MGAT4C: variants seen among roughly 807,000 people sequenced by gnomAD.
MGAT4C encodes the protein MGAT4 family member C, also known as alpha-1,3-mannosyl-glycoprotein 4-beta-N-acetylglucosaminyltransferase C.
In MGAT4C, 19 loss-of-function variants were observed where a neutral mutation model predicts 40.1. The observed-to-expected ratio is 0.47, with a 90% CI of 0.33 to 0.70. MGAT4C has a LOEUF of 0.70. Ranked by LOEUF, MGAT4C falls within the 30% of genes least tolerant of loss-of-function variation. The pLI is 0.02. For synonymous variants in MGAT4C, 181 were observed against 187.1 expected, an observed-to-expected ratio of 0.97 and a Z score of 0.27; for missense variants, 491 against 563.2, an observed-to-expected ratio of 0.87 and a Z score of 1.30.
chr12:86,477,517 C>T (rs1039899004), intron 2 of MGAT4C, among the ~76,000 whole-genome samples: 5 of 151,930 alleles, frequency 3.3e-5, no homozygotes, highest in Non-Finnish European at 7.4e-5. Context: ...AGGTAACAAA[C>T]GTGCACATGT....
intron 2 of MGAT4C, among the ~76,000 whole-genome samples, chr12:86,537,371 C>CAAA (rs372788138): frequency 1.4e-5 from 2 of 143,152 alleles, no homozygotes; most frequent in East Asian, 2.0e-4. Flanking sequence ...TAAAGTATAA[C>CAAA]AAAAAAAAAA....
At chr12:86,540,732 T>A (rs993225100) in intron 2 of MGAT4C, among the ~76,000 whole-genome samples, 5 of 151,170 alleles carry the variant, frequency 3.3e-5, no homozygotes, top group African/African-American at 1.2e-4. Flanking sequence ...TGAGACTCCA[T>A]CTCCAGAAAG....
At chr12:86,093,905 G>T (rs1873388907) in intron 1 of MGAT4C, among the ~76,000 whole-genome samples, 1 of 152,104 alleles carries the variant, frequency 6.6e-6, no homozygotes. Context: ...CTATTTCTGT[G>T]CTTCTTCAAT....
At chr12:86,030,401 T>A (rs528106585) in intron 2 of MGAT4C, among the ~76,000 whole-genome samples, 1 of 151,756 alleles carries the variant, frequency 6.6e-6, no homozygotes, top group Non-Finnish European at 1.5e-5. Flanking sequence ...TACTATGGCT[T>A]AATGTTAGTG....
At chr12:86,206,480 G>T (rs1393680217) in intron 1 of MGAT4C, among the ~76,000 whole-genome samples, 4 of 152,166 alleles carry the variant, frequency 2.6e-5, no homozygotes, top group Non-Finnish European at 5.9e-5. Context: ...AGAAGTCTTT[G>T]CAGAATGTAA....
intron 2 of MGAT4C, among the ~76,000 whole-genome samples, chr12:86,625,841 G>T (rs1371427130): frequency 2.0e-5 from 3 of 151,910 alleles, no homozygotes; most frequent in Non-Finnish European, 4.4e-5. Context: ...AAATAGAAAA[G>T]AAATCAGAAA....
At chr12:86,499,372 CTATA>C (rs996543082) in intron 2 of MGAT4C, among the ~76,000 whole-genome samples, 2 of 151,228 alleles carry the variant, frequency 1.3e-5, no homozygotes, top group Non-Finnish European at 3.0e-5. Flanking sequence ...ACATATACAC[CTATA>C]TATATATTTC....
At position 86,234,624 on chromosome 12, in the gene MGAT4C, C is replaced by T. The variant is rs181071934; in HGVS notation, c.-57+21615G>A. Among the ~76,000 whole-genome samples the T allele has an allele frequency of 3.9e-5, 6 of 152,274 alleles. No individual in the cohort carries two copies. The East Asian group carries it at 1.2e-3, about 29-fold the overall frequency. On this transcript the variant is annotated intron_variant, in intron 1 of 4. Coordinates refer to ENST00000611864, the MANE Select transcript of MGAT4C (RefSeq NM_001351288.2). The stretch of plus-strand genomic sequence containing the variant: ...TCAGAAATCTTGACAACTCATACAT[C>T]AGTGCAAAGCTCTTGGCCGACACTG...
intron 1 of MGAT4C, among the ~76,000 whole-genome samples, chr12:86,205,429 G>A (rs1950214748): frequency 6.6e-6 from 1 of 151,526 alleles, no homozygotes; most frequent in Non-Finnish European, 1.5e-5. Flanking sequence ...TATGGAGTTT[G>A]AAGAGTAACA....
At chr12:86,112,145 T>G (rs1317662859) in intron 1 of MGAT4C, among the ~76,000 whole-genome samples, 1 of 151,768 alleles carries the variant, frequency 6.6e-6, no homozygotes, top group Non-Finnish European at 1.5e-5. Flanking sequence ...TGAAAAATCT[T>G]ATAATCAGGA....
chr12:86,712,953 A>G (rs1272220947), intron 2 of MGAT4C, among the ~76,000 whole-genome samples: 1 of 152,146 alleles, frequency 6.6e-6, no homozygotes, highest in African/African-American at 2.4e-5. Flanking sequence ...TTTCATGGAT[A>G]GAAATTTTGT....
At chr12:86,146,941 G>A (rs1883597734) in intron 1 of MGAT4C, among the ~76,000 whole-genome samples, 1 of 151,640 alleles carries the variant, frequency 6.6e-6, no homozygotes, top group African/African-American at 2.4e-5. Context: ...CACCAACTCT[G>A]TAAAGTTTGG....
In MGAT4C at chr12:85,959,641, G is replaced by A. The variant is rs989318330; in HGVS notation, c.*19648C>T. 1.3e-5 allele frequency: 2 copies of A among 150,532 alleles called. No individual in the cohort carries two copies. The highest frequency in any genetic ancestry group is 2.1e-4 in the South Asian group (1 of 4,782). The allele number at this position is 150,532 out of a possible 1,614,324, so 9.3% of individuals were successfully genotyped here. On this transcript the variant is annotated 3_prime_UTR_variant, in exon 5 of 5. Coordinates refer to ENST00000611864, the MANE Select transcript of MGAT4C (RefSeq NM_001351288.2). ...GCCACTTGAATAAATAAGTTGTGTT[G>A]TAGTTTCTCAGAGCAACCGCCGCTC... is the stretch of plus-strand genomic sequence containing the variant.
chr12:86,284,196 A>G (rs1212199494), intron 4 of MGAT4C, among the ~76,000 whole-genome samples: 1 of 152,044 alleles, frequency 6.6e-6, no homozygotes, highest in Non-Finnish European at 1.5e-5. Flanking sequence ...ATTTAAAAAC[A>G]ATTTTAAAAT....
chr12:86,695,891 G>T (rs1274542663), intron 2 of MGAT4C, among the ~76,000 whole-genome samples: 2 of 151,992 alleles, frequency 1.3e-5, no homozygotes, highest in Admixed American at 6.6e-5. Flanking sequence ...TCATCAATAA[G>T]AATTTAATTG....
At chr12:85,998,213 G>C (rs1330429246) in intron 2 of MGAT4C, among the ~76,000 whole-genome samples, 2 of 152,166 alleles carry the variant, frequency 1.3e-5, no homozygotes, top group African/African-American at 4.8e-5. Context: ...CTGGGATTCA[G>C]GGCACCTAGT....
intron 3 of MGAT4C, among the ~76,000 whole-genome samples, chr12:86,398,134 C>T (rs960763306): frequency 2.0e-5 from 3 of 152,192 alleles, no homozygotes; most frequent in Admixed American, 6.5e-5. Flanking sequence ...TGTTTAAAAC[C>T]GTATAAATTT....
At chr12:86,045,959 T>A (rs1892360633) in intron 2 of MGAT4C, among the ~76,000 whole-genome samples, 1 of 152,224 alleles carries the variant, frequency 6.6e-6, no homozygotes. Flanking sequence ...AAGGTCTGGT[T>A]ATACCCAAGG....
In MGAT4C at chr12:86,309,780, GGCTGTGTT is replaced by G. The variant is rs1303132348; in HGVS notation, c.-57+24277_-57+24284del. On this transcript the variant is annotated intron_variant, in intron 4 of 7. Transcript: ENST00000548651. Reference sequence around the variant, plus strand: ...CCTAGGGGAAAGCATATTAATAAATGGCTGTGTTGCTTATCTTATTTCTCTGATGACCT... The same window carrying G: ...CCTAGGGGAAAGCATATTAATAAATGGCTTATCTTATTTCTCTGATGACCT... Among the ~76,000 whole-genome samples, 3 of 152,136 alleles carry G rather than the reference GGCTGTGTT, an allele frequency of 2.0e-5. No individual in the cohort carries two copies. The East Asian group carries it at 5.8e-4, about 29-fold the overall frequency.
Sources: gnomAD v4.1 joint callset for allele counts (sites outside exome capture counted in the v4.1 genomes callset) on GRCh38, gnomAD v4.1.1 for gene constraint, MANE v1.5 for transcripts, NCBI Gene and HGNC (gene_info 2026-07-23, HGNC 2026-07-21) for gene names.